The following MTHFD1L variants were observed in gnomAD, a reference collection of about 807,000 sequenced individuals.
MTHFD1L encodes the protein monofunctional C1-tetrahydrofolate synthase, mitochondrial.
MTHFD1L carries 81 observed loss-of-function variants against 119.5 expected under a neutral mutation model. The ratio of observed to expected loss-of-function variants is 0.68; its 90% CI spans 0.57 to 0.82. The LOEUF is 0.82. Ranked by LOEUF, MTHFD1L falls within the 40% of genes least tolerant of loss-of-function variation. The pLI is 0.00. For synonymous variants in MTHFD1L, 430 were observed against 475.2 expected (o/e 0.90, Z 1.24); for missense variants, 1,125 against 1,253.4 (o/e 0.90, Z 1.55).
At chr6:150,927,403 A>C (rs912603613) in intron 11 of MTHFD1L, among the ~76,000 whole-genome samples, 3 of 150,654 alleles carry the variant, frequency 2.0e-5, no homozygotes, top group Non-Finnish European at 4.4e-5. Flanking sequence ...ATATTGAGCT[A>C]TGTCACCATT....
intron 26 of MTHFD1L, among the ~76,000 whole-genome samples, chr6:151,064,066 T>C (rs548228038): frequency 3.0e-4 from 45 of 152,318 alleles, no homozygotes; most frequent in African/African-American, 1.1e-3. Flanking sequence ...GATTGAGAGC[T>C]TCTCAAAATG....
chr6:150,913,355 C>T (rs978806209), intron 8 of MTHFD1L, among the ~76,000 whole-genome samples: 8 of 151,664 alleles, frequency 5.3e-5, no homozygotes, highest in Admixed American at 1.3e-4. Flanking sequence ...TTAGTAGAGA[C>T]GGGGTTTCAC....
chr6:151,065,343 C>G (rs186733782), intron 26 of MTHFD1L, among the ~76,000 whole-genome samples: 391 of 152,300 alleles, frequency 2.6e-3, no homozygotes, highest in Non-Finnish European at 4.3e-3. Context: ...CTCACTGCTC[C>G]CCTGGCCTCT....
At chr6:151,088,560 G>A (rs1288319214) in intron 26 of MTHFD1L, among the ~76,000 whole-genome samples, 1 of 150,810 alleles carries the variant, frequency 6.6e-6, no homozygotes, top group Non-Finnish European at 1.5e-5. Flanking sequence ...GAGTTCAAAC[G>A]ATTCTCCTTC....
At chr6:151,036,843 C>G (rs904503529) in intron 25 of MTHFD1L, 122 bp from the exon 26 acceptor site, 4 of 967,462 alleles carry the variant, frequency 4.1e-6, no homozygotes, top group Non-Finnish European at 6.4e-6. Context: ...ACAAGCAGCT[C>G]CTGCGTGTGC....
At chr6:150,892,551 T>C (rs535786467) in intron 7 of MTHFD1L, among the ~76,000 whole-genome samples, 1 of 152,306 alleles carries the variant, frequency 6.6e-6, no homozygotes, top group African/African-American at 2.4e-5. Flanking sequence ...GGCTATCAAC[T>C]TTCATTCTTA....
At chr6:151,097,075 TC>T (rs1453155244) in intron 27 of MTHFD1L, among the ~76,000 whole-genome samples, 1 of 152,176 alleles carries the variant, frequency 6.6e-6, no homozygotes, top group African/African-American at 2.4e-5. Context: ...TTGATACTTT[TC>T]CCCCCATTCT....
intron 18 of MTHFD1L, among the ~76,000 whole-genome samples, chr6:150,962,914 C>CTTTT (rs4035893): frequency 5.3e-5 from 6 of 114,136 alleles, no homozygotes; most frequent in East Asian, 2.3e-4. Context: ...CTTTTCTTTT[C>CTTTT]TTTTTTTTTT....
chr6:151,043,258 CT>C (rs1170553631), intron 26 of MTHFD1L, among the ~76,000 whole-genome samples: 34 of 78,880 alleles, frequency 4.3e-4, no homozygotes, highest in Middle Eastern at 0.012. Context: ...AGTGTTTTCT[CT>C]TTTTTTTTTT....
intron 11 of MTHFD1L, among the ~76,000 whole-genome samples, chr6:150,930,378 C>G (rs112286440): frequency 0.01 from 1,544 of 152,294 alleles, 23 homozygotes; most frequent in African/African-American, 0.035. Context: ...TGACTGTTAT[C>G]AAACCATTAT....
In MTHFD1L at chr6:150,960,540, C is replaced by T. The variant is rs1796284811; in HGVS notation, c.1944+125C>T. 3 of 1,263,568 alleles carry T rather than the reference C, an allele frequency of 2.4e-6. No homozygotes were observed. In the Admixed American group the frequency reaches 8.3e-5, roughly 35 times the overall value. 78.3% of individuals were successfully genotyped at this position (1,263,568 alleles called of 1,614,324 possible). On this transcript the variant is annotated intron_variant, in intron 18 of 27. Coordinates refer to ENST00000367321, the MANE Select transcript of MTHFD1L (RefSeq NM_015440.5). ...AGGATACAGAAAAAGTTTCCACACA[C>T]ACATTTCTTCCCCGACAAGCATGTT...
chr6:151,025,350 A>G (rs1302878653), intron 24 of MTHFD1L, among the ~76,000 whole-genome samples: 1 of 152,220 alleles, frequency 6.6e-6, no homozygotes, highest in African/African-American at 2.4e-5. Context: ...TCTCAGTAAC[A>G]AGGGCAGAGC....
chr6:150,939,322 T>G (rs1424641261), intron 13 of MTHFD1L: 2 of 152,198 alleles, frequency 1.3e-5, no homozygotes, highest in African/African-American at 4.8e-5. Context: ...AAGTGTCCCA[T>G]TAAAAATAAA....
chr6:150,913,408 G>C lies in MTHFD1L; in HGVS notation c.893-5169G>C, dbSNP rs1037435666. On this transcript the variant is annotated intron_variant, in intron 8 of 27. Coordinates refer to ENST00000367321, the MANE Select transcript of MTHFD1L (RefSeq NM_015440.5). ...TCTCGATCTCCTGACCTGGTCATCC[G>C]CCCGACTCGGCCTCCCAAAGTGCTG... Among the ~76,000 whole-genome samples, 17 of 151,800 alleles carry C rather than the reference G, an allele frequency of 1.1e-4. 1 individual carries two copies. The highest frequency in any genetic ancestry group is 3.9e-4 in the African/African-American group (16 of 41,338).
At chr6:151,088,360 T>C (rs1198356868) in intron 26 of MTHFD1L, 1 of 149,004 alleles carries the variant, frequency 6.7e-6, no homozygotes, top group Non-Finnish European at 1.5e-5. Flanking sequence ...AGTCTACTGA[T>C]TGAACTCATT....
Position 150,886,458 on chromosome 6 carries a change from AGAG to A in MTHFD1L, c.643+725_643+727del, listed in dbSNP as rs1479959479. Among the ~76,000 whole-genome samples, 68 of 145,900 alleles carry A rather than the reference AGAG, an allele frequency of 4.7e-4. 1 individual carries two copies. In the South Asian group the frequency reaches 0.012, roughly 26 times the overall value. ...CTCAAAAAAAAAAAAAAAAAAAAAA[AGAG>A]AAGAAGAAGAAGCCGGTAGATGTAG... is the stretch of plus-strand genomic sequence containing the variant. On this transcript the variant is annotated intron_variant, in intron 6 of 27. Transcript: ENST00000367321.
intron 26 of MTHFD1L, 62 bp downstream of exon 26, chr6:151,037,179 G>C (rs115928002): frequency 6.4e-7 from 1 of 1,565,736 alleles, no homozygotes; most frequent in Non-Finnish European, 8.8e-7. Flanking sequence ...GCCTCAAATC[G>C]TTATGCTCCG....
intron 7 of MTHFD1L, among the ~76,000 whole-genome samples, chr6:150,899,997 T>TTATA (rs1562343277): frequency 6.8e-6 from 1 of 147,884 alleles, no homozygotes; most frequent in African/African-American, 2.5e-5. Flanking sequence ...ATATATATTT[T>TTATA]TTATATTATA....
intron 26 of MTHFD1L, among the ~76,000 whole-genome samples, chr6:151,046,471 GTA>G (rs1156377344): frequency 0.063 from 2,264 of 35,900 alleles, 15 homozygotes; most frequent in Middle Eastern, 0.11. Context: ...ATGTGTGTGT[GTA>G]TATATATATA....
Sources: gnomAD v4.1 joint callset for allele counts (sites outside exome capture counted in the v4.1 genomes callset) on GRCh38, gnomAD v4.1.1 for gene constraint, MANE v1.5 for transcripts, NCBI Gene and HGNC (gene_info 2026-07-23, HGNC 2026-07-21) for gene names.